The following CPPED1 variants were observed in gnomAD, a reference collection of about 807,000 sequenced individuals.
The protein encoded by CPPED1 is calcineurin like phosphoesterase domain containing 1.
A neutral mutation model predicts 28.0 loss-of-function variants in CPPED1; 28 were observed. That is an observed-to-expected ratio of 1.00 (90% CI 0.74 to 1.37). The LOEUF (loss-of-function observed/expected upper bound fraction) is 1.37, where lower values mean the gene tolerates loss of function less well. Among genes scored for constraint, CPPED1 ranks in the 40% most tolerant of loss-of-function variants. CPPED1 has a pLI of 0.00. For missense variants in CPPED1, 504 were observed against 416.5 expected, an observed-to-expected ratio of 1.21 and a Z score of -1.83; for synonymous variants, 198 against 180.2, an observed-to-expected ratio of 1.10 and a Z score of -0.79.
At position 12,683,103 on chromosome 16, in the gene CPPED1, C is replaced by T. The variant is rs1323813526; in HGVS notation, c.716-17988G>A. On this transcript the variant is annotated intron_variant, in intron 3 of 3. Coordinates refer to ENST00000381774, the MANE Select transcript of CPPED1 (RefSeq NM_018340.3). Reference sequence around the variant, plus strand: ...ATGAAATTTGCTAGGGAGAAAGTGCCCTGCCTCTGACTTGAGCCAGGGAAA... The same window carrying T: ...ATGAAATTTGCTAGGGAGAAAGTGCTCTGCCTCTGACTTGAGCCAGGGAAA... 2.0e-5 allele frequency among the ~76,000 whole-genome samples: 3 copies of T among 152,178 alleles called. No homozygotes were observed. The East Asian group carries it at 5.8e-4, about 29-fold the overall frequency.
intron 2 of CPPED1, among the ~76,000 whole-genome samples, chr16:12,758,245 A>C (rs2080384717): frequency 1.3e-5 from 2 of 152,122 alleles, no homozygotes; most frequent in African/African-American, 4.8e-5. Flanking sequence ...CAAGCAACCG[A>C]GGAATACAGA....
intron 2 of CPPED1, among the ~76,000 whole-genome samples, chr16:12,743,280 C>T (rs933996727): frequency 5.4e-4 from 82 of 152,034 alleles, no homozygotes; most frequent in African/African-American, 1.9e-3. Context: ...ACTGGCATAA[C>T]CAAGTGGAAA....
At chr16:12,729,833 A>G (rs922435934) in intron 2 of CPPED1, among the ~76,000 whole-genome samples, 1 of 152,202 alleles carries the variant, frequency 6.6e-6, no homozygotes, top group African/African-American at 2.4e-5. Flanking sequence ...TGGAAAGTAC[A>G]TGGACAAGTA....
At chr16:12,720,766 T>C (rs2080135725) in intron 2 of CPPED1, among the ~76,000 whole-genome samples, 1 of 152,248 alleles carries the variant, frequency 6.6e-6, no homozygotes, top group South Asian at 2.1e-4. Flanking sequence ...GCGTGCGCCA[T>C]CGTGCCCAGC....
intron 2 of CPPED1, among the ~76,000 whole-genome samples, chr16:12,775,905 A>G (rs575992173): frequency 1.3e-5 from 2 of 152,338 alleles, no homozygotes; most frequent in African/African-American, 4.8e-5. Context: ...AGTTCCTGGC[A>G]GATAACAGAC....
chr16:12,770,839 CAGAAGGAAAGGAAAGGGAG>C (rs1270281640), intron 2 of CPPED1, among the ~76,000 whole-genome samples: 7 of 119,740 alleles, frequency 5.8e-5, no homozygotes, highest in Non-Finnish European at 8.0e-5. Context: ...AAAGGGAGGG[CAGAAGGAAAGGAAAGGGAG>C]AGAAGGAAAG....
chr16:12,686,195 C>A (rs1001400238), intron 3 of CPPED1, among the ~76,000 whole-genome samples: 1 of 151,898 alleles, frequency 6.6e-6, no homozygotes, highest in South Asian at 2.1e-4. Context: ...GCCAGTAATC[C>A]ATTTGTTTTG....
intron 2 of CPPED1, among the ~76,000 whole-genome samples, chr16:12,739,889 G>C (rs1301251120): frequency 6.6e-6 from 1 of 152,046 alleles, no homozygotes; most frequent in African/African-American, 2.4e-5. Flanking sequence ...GGTGATGGCT[G>C]GGCTACAGCA....
chr16:12,734,786 T>C (rs1038471134), intron 2 of CPPED1, among the ~76,000 whole-genome samples: 1 of 152,172 alleles, frequency 6.6e-6, no homozygotes, highest in African/African-American at 2.4e-5. Flanking sequence ...AGTCCTCTCA[T>C]GGTCTCCCCA....
chr16:12,669,607 G>T (rs1721952259), intron 3 of CPPED1, among the ~76,000 whole-genome samples: 2 of 152,196 alleles, frequency 1.3e-5, no homozygotes, highest in Non-Finnish European at 2.9e-5. Flanking sequence ...TAATATTGCT[G>T]TGGTTTCACA....
intron 2 of CPPED1, among the ~76,000 whole-genome samples, chr16:12,772,024 GAGGC>G (rs2080472977): frequency 6.6e-6 from 1 of 152,188 alleles, no homozygotes; most frequent in Admixed American, 6.5e-5. Context: ...TTGGGAGGCT[GAGGC>G]AGGAGAATTG....
At chr16:12,769,962 C>T (rs999357667) in intron 2 of CPPED1, among the ~76,000 whole-genome samples, 1 of 152,122 alleles carries the variant, frequency 6.6e-6, no homozygotes, top group Non-Finnish European at 1.5e-5. Flanking sequence ...CGGAAATAAA[C>T]GTGATTTAAC....
intron 2 of CPPED1, among the ~76,000 whole-genome samples, chr16:12,739,069 C>A (rs541293127): frequency 6.6e-6 from 1 of 152,114 alleles, no homozygotes; most frequent in Non-Finnish European, 1.5e-5. Context: ...GCTTACCGAG[C>A]TGTGTAACCT....
rs2079794964 is a variant in CPPED1 at position 12,661,602 on chromosome 16, TA to T, written c.*3283del. ...TGTTTTTTCCTCCAATTAAAGTGAT[TA>T]ATTGGAAAGGGGAGCATTAGGTGAC... On this transcript the variant is annotated 3_prime_UTR_variant, in exon 4 of 4. Coordinates refer to ENST00000381774, the MANE Select transcript of CPPED1 (RefSeq NM_018340.3). The T allele has an allele frequency of 6.6e-6, 1 of 152,140 alleles. No homozygotes were observed. The highest frequency in any genetic ancestry group is 2.4e-5 in the African/African-American group (1 of 41,418). The allele number at this position is 152,140 out of a possible 1,614,324, so 9.4% of individuals were successfully genotyped here. A position where few individuals can be genotyped will look rare whatever the true frequency, so the allele number is the denominator to read the frequency against.
chr16:12,768,066 C>T (rs1340407266), intron 2 of CPPED1, among the ~76,000 whole-genome samples: 1 of 152,178 alleles, frequency 6.6e-6, no homozygotes, highest in East Asian at 1.9e-4. Flanking sequence ...CCAGGAAAAG[C>T]TGAATTCCTC....
intron 3 of CPPED1, among the ~76,000 whole-genome samples, chr16:12,700,500 C>G (rs1296797832): frequency 6.6e-6 from 1 of 152,228 alleles, no homozygotes; most frequent in Non-Finnish European, 1.5e-5. Flanking sequence ...AAGCAATTCT[C>G]CTGCCTCAGC....
chr16:12,740,582 C>G (rs1052177163), intron 2 of CPPED1, among the ~76,000 whole-genome samples: 1 of 152,078 alleles, frequency 6.6e-6, no homozygotes, highest in Non-Finnish European at 1.5e-5. Context: ...ATAGAAGGGC[C>G]TCACAGCTAA....
intron 2 of CPPED1, among the ~76,000 whole-genome samples, chr16:12,711,279 T>C (rs181980085): frequency 6.6e-6 from 1 of 151,868 alleles, no homozygotes; most frequent in Admixed American, 6.6e-5. Flanking sequence ...GCACTTAGAG[T>C]GGTCAAATTC....
At chr16:12,684,293 C>G (rs926050331) in intron 3 of CPPED1, among the ~76,000 whole-genome samples, 3 of 152,186 alleles carry the variant, frequency 2.0e-5, no homozygotes, top group Non-Finnish European at 2.9e-5. Context: ...GGAGGATCAC[C>G]TAAGCCCAGG....
Sources: allele counts gnomAD v4.1 joint callset (sites outside exome capture counted in the v4.1 genomes callset), GRCh38; gene constraint gnomAD v4.1.1; transcripts MANE v1.5; gene names NCBI Gene and HGNC (gene_info 2026-07-23, HGNC 2026-07-21).